Variants in OSBPL9 observed in about 807,000 individuals in gnomAD.
OSBPL9 encodes the protein oxysterol-binding protein-related protein 9.
A neutral mutation model predicts 106.6 loss-of-function variants in OSBPL9; 40 were observed. The ratio of observed to expected loss-of-function variants is 0.38; its 90% CI spans 0.29 to 0.49. The LOEUF (loss-of-function observed/expected upper bound fraction) is 0.49, where lower values mean the gene tolerates loss of function less well. Ranked by LOEUF, OSBPL9 falls within the 20% of genes least tolerant of loss-of-function variation. OSBPL9 has a pLI of 0.97. For synonymous variants in OSBPL9, 269 were observed against 295.4 expected (o/e 0.91, Z 0.92); for missense variants, 609 against 887.2 (o/e 0.69, Z 3.98).
chr1:51,764,421 C>T (rs1326975602), intron 11 of OSBPL9, among the ~76,000 whole-genome samples: 1 of 151,992 alleles, frequency 6.6e-6, no homozygotes, highest in Non-Finnish European at 1.5e-5. Flanking sequence ...TTGGAATTTC[C>T]AAAATAAGCA....
At chr1:51,519,423 G>C in the OSBPL9 span, 10 of 167,532 alleles carry the variant, frequency 6.0e-5, no homozygotes, top group Non-Finnish European at 7.8e-5. Flanking sequence ...CGCCGGAGCC[G>C]GCCGCGGCGC....
At chr1:51,629,504 T>C (rs1483156978) in intron 1 of OSBPL9, among the ~76,000 whole-genome samples, 1 of 152,182 alleles carries the variant, frequency 6.6e-6, no homozygotes, top group African/African-American at 2.4e-5. Flanking sequence ...TTAGATCATA[T>C]AGTTTACTAC....
chr1:51,533,236 C>T, the OSBPL9 span, among the ~76,000 whole-genome samples: 3 of 151,960 alleles, frequency 2.0e-5, no homozygotes, highest in African/African-American at 7.2e-5. Flanking sequence ...AATCCTTGTA[C>T]TTTGGAAGGC....
chr1:51,648,781 A>G (rs1646325310), intron 1 of OSBPL9, among the ~76,000 whole-genome samples: 2 of 152,332 alleles, frequency 1.3e-5, no homozygotes, highest in Middle Eastern at 3.4e-3. Flanking sequence ...CATTTTTAAT[A>G]TAGGAATAAT....
chr1:51,557,708 C>T, the OSBPL9 span, among the ~76,000 whole-genome samples: 1 of 152,212 alleles, frequency 6.6e-6, no homozygotes, highest in Admixed American at 6.5e-5. Flanking sequence ...ATCAAGTCTC[C>T]TCGCTGAGTC....
chr1:51,532,919 G>A, the OSBPL9 span, among the ~76,000 whole-genome samples: 1 of 152,084 alleles, frequency 6.6e-6, no homozygotes, highest in South Asian at 2.1e-4. Flanking sequence ...TGAGAAACAG[G>A]AGATTTAGAA....
chr1:51,646,069 T>G (rs1358355747), intron 1 of OSBPL9, among the ~76,000 whole-genome samples: 1 of 152,170 alleles, frequency 6.6e-6, no homozygotes. Flanking sequence ...ATGTTGTTCT[T>G]TTTTTGAAGT....
Position 51,635,689 on chromosome 1 carries a change from C to T in OSBPL9, c.112-16302C>T, listed in dbSNP as rs75323964. 2.3e-3 allele frequency among the ~76,000 whole-genome samples: 351 copies of T among 152,060 alleles called. 4 individuals carry two copies. Among genetic ancestry groups the T allele is most frequent in the African/African-American group, 8.2e-3 (340 of 41,454 alleles). ...ATCATGGCTGTGCTTAATTGAGCTC[C>T]GTGAAAGTGGTTCTCTCCACTCACC... is the stretch of plus-strand genomic sequence containing the variant. On this transcript the variant is annotated intron_variant, in intron 1 of 23. Transcript: ENST00000428468.
At chr1:51,761,255 G>GTTT (rs57352256) in intron 10 of OSBPL9, among the ~76,000 whole-genome samples, 40 of 136,900 alleles carry the variant, frequency 2.9e-4, no homozygotes, top group Non-Finnish European at 6.3e-4. Context: ...GTTTTGTTTT[G>GTTT]TTTTTTTTTT....
chr1:51,552,979 A>C, the OSBPL9 span, among the ~76,000 whole-genome samples: 1 of 151,404 alleles, frequency 6.6e-6, no homozygotes, highest in Non-Finnish European at 1.5e-5. Flanking sequence ...AAAAAAAAAC[A>C]AACTTTTTTT....
chr1:51,713,787 C>T (rs545476960), intron 3 of OSBPL9, among the ~76,000 whole-genome samples: 74 of 152,116 alleles, frequency 4.9e-4, no homozygotes, highest in African/African-American at 1.7e-3. Context: ...ATGTAGCCTG[C>T]TATTATTGAA....
At chr1:51,665,426 G>A (rs967450185) in intron 2 of OSBPL9, among the ~76,000 whole-genome samples, 1 of 152,350 alleles carries the variant, frequency 6.6e-6, no homozygotes, top group South Asian at 2.1e-4. Flanking sequence ...TTACAGGCAT[G>A]AGCCACTGCG....
At chr1:51,521,984 T>A in the OSBPL9 span, among the ~76,000 whole-genome samples, 1 of 152,110 alleles carries the variant, frequency 6.6e-6, no homozygotes, top group Non-Finnish European at 1.5e-5. Flanking sequence ...CTCGAACTCC[T>A]GACCTCAAGT....
At chr1:51,548,524 G>T in the OSBPL9 span, among the ~76,000 whole-genome samples, 1 of 151,256 alleles carries the variant, frequency 6.6e-6, no homozygotes, top group African/African-American at 2.4e-5. Context: ...AGGGTAGCTG[G>T]GACTACAAAC....
chr1:51,708,163 G>A (rs565853956), intron 3 of OSBPL9: 42 of 167,554 alleles, frequency 2.5e-4, no homozygotes, highest in Middle Eastern at 6.3e-3. Context: ...TCAGGGACAC[G>A]GCTGGTGGTG....
At chr1:51,717,394 T>A (rs1661257616) in intron 4 of OSBPL9, among the ~76,000 whole-genome samples, 1 of 152,248 alleles carries the variant, frequency 6.6e-6, no homozygotes, top group Non-Finnish European at 1.5e-5. Context: ...TGACAACAGT[T>A]TTCTTTTCTT....
intron 9 of OSBPL9, 71 bp downstream of exon 9, chr1:51,756,429 G>GCTTCT: frequency 2.8e-6 from 4 of 1,430,346 alleles, no homozygotes; most frequent in South Asian, 1.2e-5. Flanking sequence ...ATCAGGAGAA[G>GCTTCT]CCTGAATTAC....
At chr1:51,606,011 GAAAA>G (rs1643946192) in intron 2 of OSBPL9, among the ~76,000 whole-genome samples, 2 of 149,476 alleles carry the variant, frequency 1.3e-5, no homozygotes, top group African/African-American at 2.4e-5. Context: ...GAGAGAGAAA[GAAAA>G]AAGAAAAGGA....
rs182217878 is a variant in OSBPL9 at position 51,751,470 on chromosome 1, G to A, written c.543+1275G>A. 3.3e-5 allele frequency among the ~76,000 whole-genome samples: 5 copies of A among 152,048 alleles called. No homozygotes were observed. In the East Asian group the frequency reaches 9.7e-4, roughly 29 times the overall value. On this transcript the variant is annotated intron_variant, in intron 8 of 23. Transcript: ENST00000428468. ...GTGTCTAAATTTTTCATTTCCTGTT[G>A]TAGATCATAGTATATTCCAAAGCCA...
Sources: allele counts gnomAD v4.1 joint callset (sites outside exome capture counted in the v4.1 genomes callset), GRCh38; gene constraint gnomAD v4.1.1; transcripts MANE v1.5; gene names NCBI Gene and HGNC (gene_info 2026-07-23, HGNC 2026-07-21).